The following CACNA2D3 variants were observed in gnomAD, a reference collection of about 807,000 sequenced individuals.
CACNA2D3 encodes voltage-dependent calcium channel subunit alpha-2/delta-3.
Under a neutral mutation model 160.6 loss-of-function variants are expected in CACNA2D3, and 60 were observed. The ratio of observed to expected loss-of-function variants is 0.37; its 90% CI spans 0.30 to 0.46. The LOEUF is 0.46. Ranked by LOEUF, CACNA2D3 falls within the 20% of genes least tolerant of loss-of-function variation. The probability of loss-of-function intolerance (pLI) is 1.00; values close to 1 mark genes in which losing one functional copy is unlikely to be tolerated. For missense variants in CACNA2D3, 1,205 were observed against 1,365.0 expected, an observed-to-expected ratio of 0.88 and a Z score of 1.85; for synonymous variants, 558 against 492.9, an observed-to-expected ratio of 1.13 and a Z score of -1.75.
chr3:54,183,053 T>C (rs946550744), intron 2 of CACNA2D3, among the ~76,000 whole-genome samples: 6 of 152,166 alleles, frequency 3.9e-5, no homozygotes, highest in Non-Finnish European at 7.3e-5. Context: ...TTTACTGTAT[T>C]TGTCGTTTCT....
At chr3:54,417,430 A>G (rs4974370) in intron 4 of CACNA2D3, among the ~76,000 whole-genome samples, 32,180 of 152,114 alleles carry the variant, frequency 0.21, 3,503 homozygotes, top group Admixed American at 0.29. Flanking sequence ...GTTCTTTCAG[A>G]CTACGAGTTG....
At chr3:55,059,653 A>C (rs1250307360) in intron 35 of CACNA2D3, among the ~76,000 whole-genome samples, 1 of 152,180 alleles carries the variant, frequency 6.6e-6, no homozygotes, top group Non-Finnish European at 1.5e-5. Flanking sequence ...CTTAAGTATT[A>C]ACCAGCTTAG....
intron 5 of CACNA2D3, among the ~76,000 whole-genome samples, chr3:54,555,566 C>T (rs556257258): frequency 5.9e-5 from 9 of 152,280 alleles, no homozygotes; most frequent in African/African-American, 4.8e-5. Flanking sequence ...TTGTGGGAGG[C>T]GCTCTTCACA....
chr3:54,761,374 T>C (rs1222052697), intron 12 of CACNA2D3, among the ~76,000 whole-genome samples: 2 of 152,234 alleles, frequency 1.3e-5, no homozygotes. Flanking sequence ...GTCCTCTGTG[T>C]CAAGACCCCT....
intron 9 of CACNA2D3, among the ~76,000 whole-genome samples, chr3:54,599,668 C>T (rs537347211): frequency 6.6e-6 from 1 of 152,180 alleles, no homozygotes; most frequent in Non-Finnish European, 1.5e-5. Flanking sequence ...CAGATTATCC[C>T]ATCAATGCGG....
At chr3:54,473,480 C>T (rs1031194192) in intron 4 of CACNA2D3, among the ~76,000 whole-genome samples, 5 of 152,090 alleles carry the variant, frequency 3.3e-5, no homozygotes, top group Admixed American at 2.6e-4. Flanking sequence ...TGGGCAAAGA[C>T]GTCATGACTA....
chr3:54,439,556 C>A (rs1700111429), intron 4 of CACNA2D3, among the ~76,000 whole-genome samples: 2 of 152,088 alleles, frequency 1.3e-5, no homozygotes. Flanking sequence ...TTTTTGAGGC[C>A]AGTGCTGGCA....
chr3:54,954,843 A>C (rs759097732), intron 27 of CACNA2D3, among the ~76,000 whole-genome samples: 40 of 152,204 alleles, frequency 2.6e-4, no homozygotes, highest in Non-Finnish European at 5.1e-4. Flanking sequence ...AATCTTCAGA[A>C]AGAAGAACAA....
chr3:54,288,983 G>A (rs1703111364), intron 2 of CACNA2D3, among the ~76,000 whole-genome samples: 1 of 152,018 alleles, frequency 6.6e-6, no homozygotes, highest in African/African-American at 2.4e-5. Context: ...GGCAAAAACT[G>A]GAAGCATTCC....
intron 31 of CACNA2D3, among the ~76,000 whole-genome samples, chr3:54,995,234 A>T (rs1487930883): frequency 6.6e-6 from 1 of 152,128 alleles, no homozygotes. Flanking sequence ...TCAGCCTCCC[A>T]AAGTGCTGGG....
intron 11 of CACNA2D3, among the ~76,000 whole-genome samples, chr3:54,695,695 A>G (rs1158089173): frequency 6.6e-6 from 1 of 152,210 alleles, no homozygotes; most frequent in Non-Finnish European, 1.5e-5. Context: ...ATAAGATTTT[A>G]TAGTCATTCA....
At chr3:54,696,346 C>G in intron 11 of CACNA2D3, among the ~76,000 whole-genome samples, 1 of 152,256 alleles carries the variant, frequency 6.6e-6, no homozygotes, top group Non-Finnish European at 1.5e-5. Flanking sequence ...CAGGAGGAGT[C>G]TGCTTCCTAC....
intron 21 of CACNA2D3, 38 bp downstream of exon 21, chr3:54,880,901 G>T: frequency 6.3e-7 from 1 of 1,579,036 alleles, no homozygotes; most frequent in Non-Finnish European, 8.7e-7. Context: ...CTTTGGTGTG[G>T]GAGGAAAGCT....
intron 4 of CACNA2D3, among the ~76,000 whole-genome samples, chr3:54,430,130 T>C (rs1266923856): frequency 6.6e-6 from 1 of 152,228 alleles, no homozygotes; most frequent in African/African-American, 2.4e-5. Flanking sequence ...GCTGCGCAAC[T>C]ACTTTCTATG....
At chr3:54,848,997 T>C (rs912694798) in intron 17 of CACNA2D3, among the ~76,000 whole-genome samples, 6 of 152,234 alleles carry the variant, frequency 3.9e-5, no homozygotes, top group Non-Finnish European at 7.3e-5. Flanking sequence ...CCGTAAAGGT[T>C]GGAAGAACAT....
chr3:54,230,113 A>G (rs977129041), intron 2 of CACNA2D3, among the ~76,000 whole-genome samples: 2 of 150,436 alleles, frequency 1.3e-5, no homozygotes, highest in African/African-American at 2.5e-5. Context: ...ACACAGTGCT[A>G]TTAAGTCATT....
chr3:54,731,239 G>A (rs1036166151), intron 11 of CACNA2D3, among the ~76,000 whole-genome samples: 8 of 152,242 alleles, frequency 5.3e-5, no homozygotes, highest in East Asian at 3.9e-4. Flanking sequence ...TAAGTAATTA[G>A]GAAAGATATT....
intron 11 of CACNA2D3, among the ~76,000 whole-genome samples, chr3:54,721,953 G>T (rs544347679): frequency 6.6e-6 from 1 of 152,044 alleles, no homozygotes; most frequent in Admixed American, 6.5e-5. Flanking sequence ...TTGAATGTTG[G>T]CCTGTCTTGC....
At chr3:54,314,604 C>A (rs1703822140) in intron 2 of CACNA2D3, among the ~76,000 whole-genome samples, 1 of 152,152 alleles carries the variant, frequency 6.6e-6, no homozygotes, top group Non-Finnish European at 1.5e-5. Context: ...GCCATTCTTG[C>A]AGGAGTAAGG....
Sources: allele counts gnomAD v4.1 joint callset (sites outside exome capture counted in the v4.1 genomes callset), GRCh38; gene constraint gnomAD v4.1.1; transcripts MANE v1.5; gene names NCBI Gene and HGNC (gene_info 2026-07-23, HGNC 2026-07-21).